Variants in CACNA2D1 observed in about 807,000 individuals in gnomAD.
CACNA2D1 encodes calcium voltage-gated channel auxiliary subunit alpha2delta 1.
CACNA2D1 carries 53 observed loss-of-function variants against 171.5 expected under a neutral mutation model. That is an observed-to-expected ratio of 0.31 (90% CI 0.25 to 0.39). The LOEUF (loss-of-function observed/expected upper bound fraction) is 0.39. Among genes scored for constraint, CACNA2D1 ranks in the 10% least tolerant of loss-of-function variants. The pLI is 1.00. For missense variants in CACNA2D1, 903 were observed against 1,299.8 expected (o/e 0.69, Z 4.69); for synonymous variants, 442 against 443.1 (o/e 1.00, Z 0.03).
chr7:82,376,578 A>T (rs1336824638), intron 1 of CACNA2D1, among the ~76,000 whole-genome samples: 1 of 152,230 alleles, frequency 6.6e-6, no homozygotes, highest in East Asian at 1.9e-4. Context: ...TGAAAGGAAC[A>T]GTTGCACACT....
At chr7:82,243,214 T>C (rs1294973626) in intron 3 of CACNA2D1, among the ~76,000 whole-genome samples, 2 of 152,184 alleles carry the variant, frequency 1.3e-5, no homozygotes, top group African/African-American at 4.8e-5. Flanking sequence ...ACCTCTGTTT[T>C]GTTTCAAGTT....
intron 18 of CACNA2D1, among the ~76,000 whole-genome samples, chr7:82,001,032 G>A (rs1379584820): frequency 6.6e-6 from 1 of 151,782 alleles, no homozygotes; most frequent in Non-Finnish European, 1.5e-5. Context: ...TAAGCTATAG[G>A]AAGTATCCTT....
intron 3 of CACNA2D1, among the ~76,000 whole-genome samples, chr7:82,211,454 G>T (rs896526668): frequency 1.4e-4 from 22 of 152,110 alleles, no homozygotes; most frequent in Non-Finnish European, 1.5e-5. Context: ...ATGAGAACAT[G>T]CAGCATTTGG....
chr7:82,158,901 G>A (rs79377251), intron 4 of CACNA2D1, among the ~76,000 whole-genome samples: 2,279 of 151,936 alleles, frequency 0.015, 61 homozygotes, highest in African/African-American at 0.053. Flanking sequence ...AGAGTCAGAT[G>A]CACAGTAAAT....
intron 3 of CACNA2D1, among the ~76,000 whole-genome samples, chr7:82,229,676 AC>A (rs1287581062): frequency 7.9e-5 from 11 of 138,698 alleles, no homozygotes; most frequent in African/African-American, 3.3e-4. Context: ...CTTCTGGTTT[AC>A]TTTTTTTATT....
Position 81,947,130 on chromosome 7 carries a change from A to ATCT in CACNA2D1, c.*3259_*3261dup, listed in dbSNP as rs1282716456. The ATCT allele has an allele frequency of 6.6e-6, 1 of 151,986 alleles. No homozygotes were observed. Among genetic ancestry groups the ATCT allele is most frequent in the African/African-American group, 2.4e-5 (1 of 41,424 alleles). The allele number at this position is 151,986 out of a possible 1,614,324, so 9.4% of individuals were successfully genotyped here. ...ATTCAGAGTTTTAAATGAAGACAAA[A>ATCT]TCTTAAGCTTTGTTGGTCACAGACA... On this transcript the variant is annotated 3_prime_UTR_variant, in exon 39 of 39. Coordinates refer to ENST00000356860, the MANE Select transcript of CACNA2D1 (RefSeq NM_000722.4).
At chr7:82,026,998 T>A (rs772507131) in intron 12 of CACNA2D1, among the ~76,000 whole-genome samples, 4 of 151,758 alleles carry the variant, frequency 2.6e-5, no homozygotes, top group Non-Finnish European at 5.9e-5. Flanking sequence ...GATCTAAAGA[T>A]CAAAGTAATT....
intron 10 of CACNA2D1, among the ~76,000 whole-genome samples, chr7:82,046,306 G>A (rs1051941969): frequency 6.6e-6 from 1 of 152,072 alleles, no homozygotes; most frequent in Non-Finnish European, 1.5e-5. Flanking sequence ...AGAAGGTATG[G>A]TCACCCTCTC....
At chr7:82,364,597 C>T (rs538688538) in intron 1 of CACNA2D1, among the ~76,000 whole-genome samples, 1 of 152,136 alleles carries the variant, frequency 6.6e-6, no homozygotes, top group African/African-American at 2.4e-5. Flanking sequence ...TAATATGCTT[C>T]TTTTATGTTA....
intron 10 of CACNA2D1, among the ~76,000 whole-genome samples, chr7:82,051,446 T>C (rs978488255): frequency 1.3e-5 from 2 of 151,890 alleles, no homozygotes; most frequent in African/African-American, 4.9e-5. Flanking sequence ...AGAGCAAAGA[T>C]ATAAGGAATT....
At chr7:82,005,368 C>T (rs1799014926) in intron 18 of CACNA2D1, 55 bp downstream of exon 18, 3 of 1,044,618 alleles carry the variant, frequency 2.9e-6, no homozygotes, top group Non-Finnish European at 4.4e-6. Context: ...CTATTAAGAA[C>T]ATTAATCATT....
At chr7:82,190,456 A>T (rs1484410836) in intron 3 of CACNA2D1, among the ~76,000 whole-genome samples, 2 of 151,794 alleles carry the variant, frequency 1.3e-5, no homozygotes, top group African/African-American at 2.4e-5. Flanking sequence ...TGGCTACCTA[A>T]TGAGGATTCA....
intron 12 of CACNA2D1, 82 bp from the exon 13 acceptor site, chr7:82,014,561 T>A: frequency 3.8e-6 from 3 of 780,622 alleles, no homozygotes; most frequent in Non-Finnish European, 6.8e-6. Flanking sequence ...AAATTTCTAT[T>A]GAAAAGAGTG....
chr7:82,233,543 A>T (rs2129282172), intron 3 of CACNA2D1, among the ~76,000 whole-genome samples: 1 of 152,100 alleles, frequency 6.6e-6, no homozygotes, highest in East Asian at 1.9e-4. Context: ...TACCTCTTCC[A>T]TTTCTTCCCT....
chr7:82,428,090 A>G (rs4732461), intron 1 of CACNA2D1, among the ~76,000 whole-genome samples: 26,648 of 140,642 alleles, frequency 0.19, 2,902 homozygotes, highest in East Asian at 0.44. Flanking sequence ...CTTGTCTTTA[A>G]AAAAATAAAA....
chr7:82,429,340 A>G (rs1163096463), intron 1 of CACNA2D1, among the ~76,000 whole-genome samples: 1 of 152,076 alleles, frequency 6.6e-6, no homozygotes, highest in Admixed American at 6.5e-5. Context: ...TGTGTATGTG[A>G]CTGATGTATG....
chr7:82,165,673 A>C (rs12707475), intron 4 of CACNA2D1, among the ~76,000 whole-genome samples: 42,819 of 151,658 alleles, frequency 0.28, 6,065 homozygotes, highest in Middle Eastern at 0.36. Context: ...ATTTTGGAGT[A>C]AATGAGCTTT....
chr7:81,997,588 G>C (rs1308697074), intron 18 of CACNA2D1, among the ~76,000 whole-genome samples: 2 of 150,942 alleles, frequency 1.3e-5, no homozygotes, highest in African/African-American at 4.9e-5. Context: ...CATGGGAAAG[G>C]GGCAAAATAT....
In CACNA2D1 at chr7:81,950,395, T is replaced by C. The variant is rs767791257; in HGVS notation, c.3273A>G (p.Leu1091=). The change falls in exon 39 of 39, where the codon TTA becomes TTG. Residue 1091 remains leucine, a synonymous_variant. Transcript: ENST00000356860. Reference sequence around the variant, plus strand: ...TGCAGATTTGGTTTTTAGAAGGTCATAACAGGCGGTGTGTGCTGCCAGATA... The same window carrying C: ...TGCAGATTTGGTTTTTAGAAGGTCACAACAGGCGGTGTGTGCTGCCAGATA... The part of the protein sequence containing the change: ...WLVSGSTHRL[L] 6.2e-7 allele frequency: 1 copy of C among 1,613,162 alleles called. No homozygotes were observed. Among genetic ancestry groups the C allele is most frequent in the South Asian group, 1.1e-5 (1 of 91,062 alleles).
Sources: gnomAD v4.1 joint callset for allele counts (sites outside exome capture counted in the v4.1 genomes callset) on GRCh38, gnomAD v4.1.1 for gene constraint, MANE v1.5 for transcripts, NCBI Gene and HGNC (gene_info 2026-07-23, HGNC 2026-07-21) for gene names.